Variants in HCN1 observed in about 807,000 individuals in gnomAD.
HCN1 encodes the protein hyperpolarization activated cyclic nucleotide gated potassium channel 1.
Under a neutral mutation model 78.9 loss-of-function variants are expected in HCN1, and 13 were observed. That is an observed-to-expected ratio of 0.16 (90% CI 0.11 to 0.26). HCN1 has a LOEUF of 0.26. Among genes scored for constraint, HCN1 ranks in the 10% least tolerant of loss-of-function variants. HCN1 has a pLI of 1.00. For synonymous variants in HCN1, 552 were observed against 455.5 expected (o/e 1.21, Z -2.70); for missense variants, 810 against 1,154.3 (o/e 0.70, Z 4.32).
At chr5:45,418,355 C>A (rs1235703442) in intron 3 of HCN1, among the ~76,000 whole-genome samples, 1 of 150,678 alleles carries the variant, frequency 6.6e-6, no homozygotes, top group East Asian at 2.0e-4. Flanking sequence ...ATTTCTCCCT[C>A]CTTCATAAAT....
chr5:45,328,753 T>C (rs183626071), intron 5 of HCN1, among the ~76,000 whole-genome samples: 39 of 151,710 alleles, frequency 2.6e-4, no homozygotes, highest in African/African-American at 8.9e-4. Context: ...AGTAACGAAC[T>C]GAAACTGTGG....
intron 2 of HCN1, among the ~76,000 whole-genome samples, chr5:45,596,658 T>C (rs1330301668): frequency 6.6e-6 from 1 of 152,190 alleles, no homozygotes; most frequent in Non-Finnish European, 1.5e-5. Flanking sequence ...AGTTAGAGTT[T>C]TTAAACTAGG....
chr5:45,277,475 C>CA (rs778586191), intron 6 of HCN1, among the ~76,000 whole-genome samples: 15 of 151,598 alleles, frequency 9.9e-5, no homozygotes, highest in Non-Finnish European at 1.8e-4. Flanking sequence ...CAAAACAAAA[C>CA]AAAAAAACAA....
intron 6 of HCN1, among the ~76,000 whole-genome samples, chr5:45,283,383 C>T (rs945985524): frequency 6.6e-6 from 1 of 152,002 alleles, no homozygotes; most frequent in South Asian, 2.1e-4. Context: ...AAAATTTTTG[C>T]AAACTATGTA....
chr5:45,585,869 T>A (rs912606772), intron 2 of HCN1, among the ~76,000 whole-genome samples: 11 of 152,316 alleles, frequency 7.2e-5, no homozygotes, highest in African/African-American at 2.4e-4. Context: ...TGTTGCTGCC[T>A]GATCGTTCCT....
chr5:45,553,118 G>A (rs1027203938), intron 2 of HCN1, among the ~76,000 whole-genome samples: 2 of 151,850 alleles, frequency 1.3e-5, no homozygotes, highest in African/African-American at 4.8e-5. Context: ...CTGAAGGAAA[G>A]AAATGTAATT....
intron 2 of HCN1, among the ~76,000 whole-genome samples, chr5:45,542,548 T>G (rs1375609355): frequency 1.3e-5 from 2 of 152,186 alleles, no homozygotes; most frequent in African/African-American, 4.8e-5. Flanking sequence ...CTGTGCTTTC[T>G]AAGGTGTTAC....
intron 6 of HCN1, among the ~76,000 whole-genome samples, chr5:45,291,228 C>A (rs1403057126): frequency 1.3e-5 from 2 of 152,010 alleles, no homozygotes; most frequent in Admixed American, 1.3e-4. Flanking sequence ...CTCATATGGA[C>A]CTGTAGTTCA....
chr5:45,350,076 A>C (rs1746855792), intron 5 of HCN1, among the ~76,000 whole-genome samples: 1 of 152,218 alleles, frequency 6.6e-6, no homozygotes, highest in African/African-American at 2.4e-5. Flanking sequence ...AACCAAAAAA[A>C]AGAATTTTAG....
intron 2 of HCN1, among the ~76,000 whole-genome samples, chr5:45,477,631 C>A (rs1579919134): frequency 3.3e-5 from 5 of 152,066 alleles, no homozygotes. Context: ...AAGATAAATT[C>A]TTTGAAAAAC....
chr5:45,501,180 G>A (rs1742178585), intron 2 of HCN1, among the ~76,000 whole-genome samples: 1 of 152,098 alleles, frequency 6.6e-6, no homozygotes, highest in African/African-American at 2.4e-5. Flanking sequence ...TCTACTTTCA[G>A]GGAGAAAATG....
At chr5:45,296,926 T>C (rs769698782) in intron 6 of HCN1, among the ~76,000 whole-genome samples, 1 of 151,974 alleles carries the variant, frequency 6.6e-6, no homozygotes, top group Admixed American at 6.6e-5. Context: ...TAACTTTATA[T>C]CCACAAGGAA....
Position 45,334,421 on chromosome 5 carries a change from C to CT in HCN1, c.1377+18678dup, listed in dbSNP as rs776292000. Among the ~76,000 whole-genome samples the CT allele has an allele frequency of 4.5e-3, 680 of 149,744 alleles. 3 individuals carry two copies. Among genetic ancestry groups the CT allele is most frequent in the East Asian group, 6.9e-3 (35 of 5,082 alleles). ...TCTATTCCAGGCCATGGTGAACACA[C>CT]TTTTTTTTTTCTCAACAGTGTTAGT... On this transcript the variant is annotated intron_variant, in intron 5 of 7. Transcript: ENST00000303230.
intron 2 of HCN1, among the ~76,000 whole-genome samples, chr5:45,545,340 G>A (rs1303004478): frequency 6.6e-6 from 1 of 152,116 alleles, no homozygotes; most frequent in Admixed American, 6.6e-5. Context: ...GTAGATTCTG[G>A]ATATTAGCTC....
intron 5 of HCN1, among the ~76,000 whole-genome samples, chr5:45,327,397 T>C (rs906742021): frequency 2.6e-5 from 4 of 151,678 alleles, no homozygotes; most frequent in Non-Finnish European, 4.4e-5. Flanking sequence ...AATTTTATTA[T>C]AGAATCCACA....
chr5:45,637,113 T>G (rs547459463), intron 2 of HCN1, among the ~76,000 whole-genome samples: 3 of 152,142 alleles, frequency 2.0e-5, no homozygotes, highest in African/African-American at 7.2e-5. Flanking sequence ...AATTTTTCCA[T>G]GATTTCTAAA....
chr5:45,465,642 C>G (rs1178729317), intron 2 of HCN1, among the ~76,000 whole-genome samples: 1 of 151,988 alleles, frequency 6.6e-6, no homozygotes, highest in African/African-American at 2.4e-5. Flanking sequence ...GTAGTCCCAG[C>G]TACTCAGGAG....
chr5:45,434,318 C>A (rs1437767082), intron 3 of HCN1, among the ~76,000 whole-genome samples: 1 of 152,140 alleles, frequency 6.6e-6, no homozygotes, highest in African/African-American at 2.4e-5. Flanking sequence ...TGTGGTCTGT[C>A]CTTTAGGACA....
chr5:45,599,825 G>GT lies in HCN1; in HGVS notation c.849+45359dup, dbSNP rs970857224. On this transcript the variant is annotated intron_variant, in intron 2 of 7. Coordinates refer to ENST00000303230, the MANE Select transcript of HCN1 (RefSeq NM_021072.4). The stretch of plus-strand genomic sequence containing the variant: ...ATTGCACACTAGAGTAGCATTTTCT[G>GT]TTTTTTTTTTCCATCTTTTTTTATC... 1.2e-3 allele frequency among the ~76,000 whole-genome samples: 173 copies of GT among 147,890 alleles called. 1 individual carries two copies. Among genetic ancestry groups the GT allele is most frequent in the East Asian group, 5.5e-3 (28 of 5,046 alleles).
Sources: gnomAD v4.1 joint callset for allele counts (sites outside exome capture counted in the v4.1 genomes callset) on GRCh38, gnomAD v4.1.1 for gene constraint, MANE v1.5 for transcripts, NCBI Gene and HGNC (gene_info 2026-07-23, HGNC 2026-07-21) for gene names.